CDYL: variants seen among roughly 807,000 people sequenced by gnomAD.
CDYL encodes chromodomain Y like.
In CDYL, 8 loss-of-function variants were observed where a neutral mutation model predicts 47.3. The observed-to-expected ratio is 0.17, with a 90% CI of 0.10 to 0.31. CDYL has a LOEUF of 0.31. CDYL is among the 10% of genes least tolerant of loss of function. The probability of loss-of-function intolerance (pLI) is 1.00; values close to 1 mark genes in which losing one functional copy is unlikely to be tolerated. For synonymous variants in CDYL, 266 were observed against 265.0 expected, an observed-to-expected ratio of 1.00 and a Z score of -0.04; for missense variants, 471 against 701.4, an observed-to-expected ratio of 0.67 and a Z score of 3.71.
At chr6:4,779,336 G>A (rs1437905609) in intron 1 of CDYL, among the ~76,000 whole-genome samples, 1 of 152,152 alleles carries the variant, frequency 6.6e-6, no homozygotes, top group Non-Finnish European at 1.5e-5. Context: ...ATATTGACAG[G>A]AGGAAATGTG....
In CDYL at chr6:4,710,274, T is replaced by C. The variant is rs543333791; in HGVS notation, c.-39+4023T>C. Among the ~76,000 whole-genome samples the C allele has an allele frequency of 6.6e-5, 10 of 151,284 alleles. No individual in the cohort carries two copies. In the South Asian group the frequency reaches 1.3e-3, roughly 19 times the overall value. The stretch of plus-strand genomic sequence containing the variant: ...TATGTTCATTTCTTTTCCATTTTGA[T>C]TGCTGCTCTGCAGAAAGAGAAAGAG... On this transcript the variant is annotated intron_variant, in intron 1 of 8. Coordinates refer to the CDYL transcript ENST00000328908.
intron 2 of CDYL, among the ~76,000 whole-genome samples, chr6:4,898,044 C>T (rs1285475526): frequency 1.3e-5 from 2 of 151,814 alleles, no homozygotes; most frequent in Non-Finnish European, 2.9e-5. Context: ...GGCAATTGAG[C>T]AAGACTGCGT....
chr6:4,732,595 G>A (rs751874810), intron 2 of CDYL, among the ~76,000 whole-genome samples: 24 of 149,256 alleles, frequency 1.6e-4, no homozygotes, highest in Non-Finnish European at 3.0e-4. Flanking sequence ...CTGGGAGGTT[G>A]AGGCAGCAAA....
At chr6:4,950,284 C>A (rs1405098483) in intron 5 of CDYL, among the ~76,000 whole-genome samples, 4 of 152,190 alleles carry the variant, frequency 2.6e-5, no homozygotes, top group Admixed American at 2.0e-4. Flanking sequence ...CCGCAGACAC[C>A]AGGCCTGGCG....
intron 1 of CDYL, among the ~76,000 whole-genome samples, chr6:4,867,583 G>A (rs1462798804): frequency 6.6e-6 from 1 of 152,050 alleles, no homozygotes; most frequent in Non-Finnish European, 1.5e-5. Flanking sequence ...TGGTTATGTG[G>A]TTTTTCTCCT....
In CDYL at chr6:4,716,206, G is replaced by A. The variant is rs1044649084; in HGVS notation, c.103+325G>A. On this transcript the variant is annotated intron_variant, in intron 2 of 8. Transcript: ENST00000328908. ...GAGCTTGCAGTGAGCCCGAGATCGCGCCACTGTACTCCAGCCTGGGTGACA... is the reference window on the plus strand; with the variant it reads ...GAGCTTGCAGTGAGCCCGAGATCGCACCACTGTACTCCAGCCTGGGTGACA... 4.0e-5 allele frequency among the ~76,000 whole-genome samples: 6 copies of A among 149,806 alleles called. No homozygotes were observed. In the East Asian group the frequency reaches 5.9e-4, roughly 15 times the overall value.
At chr6:4,768,598 TAA>T (rs1758290941) in intron 3 of CDYL, among the ~76,000 whole-genome samples, 1 of 151,996 alleles carries the variant, frequency 6.6e-6, no homozygotes. Context: ...AATAAATTAA[TAA>T]GTGGGGGAGA....
intron 1 of CDYL, among the ~76,000 whole-genome samples, chr6:4,802,149 AC>A (rs1396856219): frequency 1.3e-5 from 2 of 152,166 alleles, no homozygotes; most frequent in Non-Finnish European, 2.9e-5. Context: ...CCAAGATGCC[AC>A]AAACTCACAA....
intron 1 of CDYL, among the ~76,000 whole-genome samples, chr6:4,817,042 A>C (rs902637437): frequency 6.6e-6 from 1 of 152,196 alleles, no homozygotes; most frequent in Non-Finnish European, 1.5e-5. Context: ...TATCATCAAA[A>C]TGCTTTTAGA....
intron 2 of CDYL, among the ~76,000 whole-genome samples, chr6:4,896,398 A>G (rs1223918044): frequency 6.6e-6 from 1 of 152,226 alleles, no homozygotes; most frequent in Non-Finnish European, 1.5e-5. Flanking sequence ...TGTGCCCAGA[A>G]TGGTGCCTGC....
chr6:4,784,460 G>A (rs1758699760), intron 1 of CDYL, among the ~76,000 whole-genome samples: 1 of 152,174 alleles, frequency 6.6e-6, no homozygotes, highest in African/African-American at 2.4e-5. Flanking sequence ...CATGAGCAGG[G>A]ATTGAGGCTT....
chr6:4,871,083 G>A (rs140195728), intron 1 of CDYL, among the ~76,000 whole-genome samples: 178 of 152,310 alleles, frequency 1.2e-3, no homozygotes, highest in African/African-American at 4.1e-3. Context: ...TTTTATGAGT[G>A]TGTGTTTATG....
At chr6:4,901,468 G>A (rs1053957756) in intron 2 of CDYL, among the ~76,000 whole-genome samples, 1 of 152,070 alleles carries the variant, frequency 6.6e-6, no homozygotes, top group Non-Finnish European at 1.5e-5. Flanking sequence ...AGCCTCTTCC[G>A]AGCATGCTAT....
chr6:4,921,790 A>G (rs113504546), intron 2 of CDYL, among the ~76,000 whole-genome samples: 19 of 152,108 alleles, frequency 1.2e-4, no homozygotes, highest in African/African-American at 4.6e-4. Flanking sequence ...TCGACATGCC[A>G]TATACTTTTT....
intron 1 of CDYL, among the ~76,000 whole-genome samples, chr6:4,863,226 G>A (rs1025522565): frequency 3.3e-5 from 5 of 152,146 alleles, no homozygotes; most frequent in African/African-American, 7.2e-5. Context: ...AGGGATCAAA[G>A]GTTGAAAAAA....
intron 1 of CDYL, among the ~76,000 whole-genome samples, chr6:4,815,673 C>CA (rs1759651786): frequency 8.8e-6 from 1 of 113,658 alleles, no homozygotes. Flanking sequence ...TGAGATTTCA[C>CA]TTTTTTTTTT....
intron 2 of CDYL, among the ~76,000 whole-genome samples, chr6:4,920,881 G>A (rs945793399): frequency 6.6e-6 from 1 of 152,194 alleles, no homozygotes; most frequent in Non-Finnish European, 1.5e-5. Flanking sequence ...CTCCTAAAGT[G>A]CTGGGATTAG....
intron 1 of CDYL, among the ~76,000 whole-genome samples, chr6:4,792,082 C>T (rs1466817612): frequency 1.3e-5 from 2 of 148,538 alleles, no homozygotes; most frequent in African/African-American, 2.5e-5. Context: ...TTAGTACAGA[C>T]GGGGTTTCAC....
chr6:4,721,789 T>C (rs545573174), intron 2 of CDYL, among the ~76,000 whole-genome samples: 4 of 152,252 alleles, frequency 2.6e-5, no homozygotes, highest in Non-Finnish European at 5.9e-5. Context: ...TGGCAATACA[T>C]GCTCTGTCCA....
Sources: gnomAD v4.1 joint callset for allele counts (sites outside exome capture counted in the v4.1 genomes callset) on GRCh38, gnomAD v4.1.1 for gene constraint, MANE v1.5 for transcripts, NCBI Gene and HGNC (gene_info 2026-07-23, HGNC 2026-07-21) for gene names.